The following NFRKB variants were observed in gnomAD, a reference collection of about 807,000 sequenced individuals.
NFRKB encodes nuclear factor related to kappa-B-binding protein.
NFRKB carries 62 observed loss-of-function variants against 135.7 expected under a neutral mutation model. That is an observed-to-expected ratio of 0.46 (90% CI 0.37 to 0.56). The LOEUF is 0.56. Among genes scored for constraint, NFRKB ranks in the 20% least tolerant of loss-of-function variants. The pLI is 0.00. For synonymous variants in NFRKB, 678 were observed against 635.6 expected (o/e 1.07, Z -1.00); for missense variants, 1,545 against 1,662.0 (o/e 0.93, Z 1.22).
At chr11:129,894,790 C>CA (rs1295989548) in intron 1 of NFRKB, among the ~76,000 whole-genome samples, 11 of 151,004 alleles carry the variant, frequency 7.3e-5, no homozygotes, top group Admixed American at 1.3e-4. Flanking sequence ...AAAATAGCAC[C>CA]AAAAAAAAAT....
intron 3 of NFRKB, among the ~76,000 whole-genome samples, chr11:129,892,077 G>A (rs1269749880): frequency 6.6e-6 from 1 of 150,650 alleles, no homozygotes; most frequent in African/African-American, 2.4e-5. Context: ...TATTTCAATA[G>A]TATTGGGGGA....
At chr11:129,886,501 C>T in intron 4 of NFRKB, 57 bp from the exon 5 acceptor site, 1 of 1,499,926 alleles carries the variant, frequency 6.7e-7, no homozygotes, top group Non-Finnish European at 9.3e-7. Flanking sequence ...CATCATCAGT[C>T]AACAAATATA....
chr11:129,877,513 A>G (rs1037371098), intron 15 of NFRKB, 128 bp from the exon 16 acceptor site: 1 of 860,490 alleles, frequency 1.2e-6, no homozygotes, highest in Non-Finnish European at 1.9e-6. Flanking sequence ...AATTCTTACA[A>G]AGGCGAAGAG....
chr11:129,887,888 T>C (rs538083211), intron 4 of NFRKB, among the ~76,000 whole-genome samples: 56 of 152,186 alleles, frequency 3.7e-4, no homozygotes, highest in Non-Finnish European at 6.8e-4. Flanking sequence ...ACACAAAAAA[T>C]TAGCCAGGCG....
chr11:129,878,563 A>G lies in NFRKB; in HGVS notation c.1385-20T>C. On this transcript the variant is annotated intron_variant, in intron 13 of 26. Coordinates refer to ENST00000682444, the MANE Select transcript of NFRKB (RefSeq NM_001143835.2). ...ATTGGCCTATTAGAGGAATAAAGAG[A>G]TAAAAAAATAAGAAGGTCTAAGGTA... The G allele has an allele frequency of 6.3e-7, 1 of 1,593,574 alleles. No homozygotes were observed. Among genetic ancestry groups the G allele is most frequent in the Non-Finnish European group, 8.6e-7 (1 of 1,163,058 alleles).
intron 23 of NFRKB, 126 bp downstream of exon 23, chr11:129,872,758 A>C (rs1335208881): frequency 1.0e-6 from 1 of 954,670 alleles, no homozygotes; most frequent in Non-Finnish European, 1.6e-6. Flanking sequence ...AAGTATCTAT[A>C]AGCTGAGAGT....
At chr11:129,872,149 CCT>C (rs747269771) in intron 23 of NFRKB, among the ~76,000 whole-genome samples, 32 of 152,308 alleles carry the variant, frequency 2.1e-4, no homozygotes, top group South Asian at 1.0e-3. Flanking sequence ...GCTCTCCACC[CCT>C]GAGCCTGCCT....
At position 129,876,809 on chromosome 11, in the gene NFRKB, C is replaced by T. The variant is rs137901843; in HGVS notation, c.1659G>A (p.Val553=). Residue 553 remains valine, a synonymous_variant, in exon 17 of 27, where the codon GTG becomes GTA. Coordinates refer to ENST00000682444, the MANE Select transcript of NFRKB (RefSeq NM_001143835.2). ...TGTTGAGCGAGGTCTCCTTGTCAAA[C>T]ACGCCCTTCACTGGCCCCACCACAG... ...FESVVGPVKG[V]FDKETSLNKA... The T allele has an allele frequency of 2.5e-3, 3,971 of 1,614,120 alleles. 8 individuals carry two copies. Among genetic ancestry groups the T allele is most frequent in the Non-Finnish European group, 3.0e-3 (3,552 of 1,179,994 alleles).
intron 4 of NFRKB, chr11:129,888,390 A>G (rs1266567585): frequency 5.8e-6 from 4 of 689,400 alleles, no homozygotes; most frequent in African/African-American, 1.8e-5. Flanking sequence ...CTGAATTCAT[A>G]TTATGTATTT....
At chr11:129,894,725 CTAAA>C (rs1949698788) in intron 1 of NFRKB, among the ~76,000 whole-genome samples, 1 of 152,134 alleles carries the variant, frequency 6.6e-6, no homozygotes, top group Non-Finnish European at 1.5e-5. Context: ...ATGCCTATGC[CTAAA>C]TAAGTGAAGC....
At position 129,889,855 on chromosome 11, in the gene NFRKB, G is replaced by C. The variant is rs528960115; in HGVS notation, c.136-1060C>G. On this transcript the variant is annotated intron_variant, in intron 3 of 26. Transcript: ENST00000682444. ...TAGCAGTTACCTGTGGGGGAATGGA[G>C]AGGGATAAGACAGGGTACGTGGTGG... Among the ~76,000 whole-genome samples, 34 of 151,874 alleles carry C rather than the reference G, an allele frequency of 2.2e-4. 1 individual carries two copies. In the South Asian group the frequency reaches 7.1e-3, roughly 32 times the overall value.
At position 129,878,316 on chromosome 11, in the gene NFRKB, G is replaced by A. The variant is rs757746817; in HGVS notation, c.1504C>T (p.Pro502Ser). Residue 502 changes from proline (P) to serine (S), a missense_variant, in exon 15 of 27, where the codon CCT (proline) becomes TCT (serine). Coordinates refer to ENST00000682444, the MANE Select transcript of NFRKB (RefSeq NM_001143835.2). ...CTACAGTATTGTACTCACACCCGAG[G>A]GACAGGTGTTGTGGCATCTGAGCTG... is the stretch of plus-strand genomic sequence containing the variant. ...EDSSDATTPVPRVRTDYVVRP... is the reference protein window; with the variant it reads ...EDSSDATTPVSRVRTDYVVRP... The A allele has an allele frequency of 4.3e-6, 7 of 1,614,108 alleles. No individual in the cohort carries two copies. Among genetic ancestry groups the A allele is most frequent in the Non-Finnish European group, 5.9e-6 (7 of 1,179,968 alleles).
rs546983077 is a variant in NFRKB, at chr11:129,881,668, T to C, written c.1318+59A>G. 6.9e-6 allele frequency: 11 copies of C among 1,597,686 alleles called. No homozygotes were observed. In the Admixed American group the frequency reaches 1.8e-4, roughly 25 times the overall value. The stretch of plus-strand genomic sequence containing the variant: ...ACACGAGCAAAGCTGCAGTTTATTC[T>C]AATAATTAATTAGACAAAAGGGGGA... On this transcript the variant is annotated intron_variant, in intron 12 of 26. Coordinates refer to ENST00000682444, the MANE Select transcript of NFRKB (RefSeq NM_001143835.2).
In NFRKB at chr11:129,864,704, G is replaced by A. The variant is rs771416312; in HGVS notation, c.*21C>T. On this transcript the variant is annotated 3_prime_UTR_variant, in exon 27 of 27. Coordinates refer to ENST00000682444, the MANE Select transcript of NFRKB (RefSeq NM_001143835.2). ...GGACAGACCAGGCATGGTCTTTCACGGAAGCCATCCTCTCTCATAATCATT... is the reference window on the plus strand; with the variant it reads ...GGACAGACCAGGCATGGTCTTTCACAGAAGCCATCCTCTCTCATAATCATT... The A allele has an allele frequency of 1.7e-5, 28 of 1,613,818 alleles. No individual in the cohort carries two copies. The East Asian group carries it at 1.8e-4, about 10-fold the overall frequency.
rs555836314 is a variant in NFRKB, at chr11:129,882,147, G to A, written c.1130C>T (p.Ser377Phe). Residue 377 changes from serine (S) to phenylalanine (F), a missense_variant, in exon 11 of 27, where the codon TCC becomes TTC. Transcript: ENST00000682444. ...CTCTAATAGAAGAGAGAAGAAGCTG[G>A]AAGATATTTCATTGATTCCAAGGCA... ...KPCLGINEIS[S>F]SFFSLLLEIL... 1.2e-6 allele frequency: 2 copies of A among 1,613,688 alleles called. No homozygotes were observed. Among genetic ancestry groups the A allele is most frequent in the South Asian group, 2.2e-5 (2 of 90,978 alleles).
In NFRKB at chr11:129,873,007, T is replaced by A. The variant is rs1367076417; in HGVS notation, c.2640A>T (p.Thr880=). ...PGPGQTGLTV[T]SLPATASPVS... Reference sequence around the variant, plus strand: ...CAGGGCTGGCTGTGGCAGGGAGACTTGTCACCGTGAGCCCTGTCTGCCCGG... The same window carrying A: ...CAGGGCTGGCTGTGGCAGGGAGACTAGTCACCGTGAGCCCTGTCTGCCCGG... Residue 880 remains threonine, a synonymous_variant, in exon 23 of 27, where the codon ACA becomes ACT. Coordinates refer to ENST00000682444, the MANE Select transcript of NFRKB (RefSeq NM_001143835.2). 1.9e-6 allele frequency: 3 copies of A among 1,614,180 alleles called. No individual in the cohort carries two copies. The South Asian group carries it at 3.3e-5, about 18-fold the overall frequency.
At chr11:129,877,651 T>C (rs1295791089) in intron 15 of NFRKB, among the ~76,000 whole-genome samples, 2 of 152,166 alleles carry the variant, frequency 1.3e-5, no homozygotes, top group Non-Finnish European at 1.5e-5. Flanking sequence ...CTGCTTTCAA[T>C]ATTGCTGTTA....
intron 14 of NFRKB, 26 bp downstream of exon 14, chr11:129,878,438 A>T (rs751200398): frequency 6.2e-7 from 1 of 1,612,850 alleles, no homozygotes; most frequent in Admixed American, 1.7e-5. Flanking sequence ...AGTGAGAAGG[A>T]TCTGGTATTT....
intron 3 of NFRKB, 44 bp downstream of exon 3, chr11:129,892,671 G>T: frequency 6.3e-7 from 1 of 1,599,512 alleles, no homozygotes; most frequent in Non-Finnish European, 8.6e-7. Flanking sequence ...CTGTTACAAG[G>T]AAGCTGACAG....
Sources: allele counts gnomAD v4.1 joint callset (sites outside exome capture counted in the v4.1 genomes callset), GRCh38; gene constraint gnomAD v4.1.1; transcripts MANE v1.5; gene names NCBI Gene and HGNC (gene_info 2026-07-23, HGNC 2026-07-21).